Variants in GRIP1 observed in about 807,000 individuals in gnomAD.
The protein encoded by GRIP1 is glutamate receptor-interacting protein 1.
In GRIP1, 45 loss-of-function variants were observed where a neutral mutation model predicts 129.9. The observed-to-expected ratio is 0.35, with a 90% CI of 0.27 to 0.44. The LOEUF (loss-of-function observed/expected upper bound fraction) is 0.44, where lower values mean the gene tolerates loss of function less well. Among genes scored for constraint, GRIP1 ranks in the 20% least tolerant of loss-of-function variants. The pLI is 1.00. For missense variants in GRIP1, 1,196 were observed against 1,396.8 expected (o/e 0.86, Z 2.29); for synonymous variants, 530 against 520.8 (o/e 1.02, Z -0.24).
At chr12:66,949,533 A>T (rs184443893) in intron 1 of GRIP1, among the ~76,000 whole-genome samples, 34 of 152,332 alleles carry the variant, frequency 2.2e-4, no homozygotes, top group East Asian at 1.5e-3. Context: ...AAGATGAATT[A>T]AAAAAGTATC....
At chr12:66,475,605 GGACA>G (rs2059582019) in intron 7 of GRIP1, among the ~76,000 whole-genome samples, 1 of 152,094 alleles carries the variant, frequency 6.6e-6, no homozygotes, top group Non-Finnish European at 1.5e-5. Context: ...AAATGTAAAA[GGACA>G]GAAATTATAA....
intron 1 of GRIP1, among the ~76,000 whole-genome samples, chr12:67,054,295 C>T (rs1243576117): frequency 6.6e-6 from 1 of 152,166 alleles, no homozygotes; most frequent in Non-Finnish European, 1.5e-5. Flanking sequence ...ATTTACTAAG[C>T]ACCTACTATG....
intron 1 of GRIP1, among the ~76,000 whole-genome samples, chr12:66,627,341 A>G (rs563520799): frequency 2.0e-5 from 3 of 152,322 alleles, no homozygotes; most frequent in South Asian, 2.1e-4. Context: ...TCTTCATTTC[A>G]TCAGAGCTCA....
At chr12:66,658,381 G>A (rs2033294200) in intron 1 of GRIP1, among the ~76,000 whole-genome samples, 1 of 152,164 alleles carries the variant, frequency 6.6e-6, no homozygotes. Context: ...TAAAATTGTA[G>A]TCTTGTATTC....
chr12:66,539,545 CTTTTT>C (rs35373698), intron 3 of GRIP1, among the ~76,000 whole-genome samples: 4 of 59,286 alleles, frequency 6.7e-5, no homozygotes, highest in South Asian at 2.0e-3. Flanking sequence ...TCAAGAGAAG[CTTTTT>C]TTTTTTTTTT....
intron 1 of GRIP1, among the ~76,000 whole-genome samples, chr12:66,823,424 G>A (rs1423001811): frequency 6.6e-6 from 1 of 152,030 alleles, no homozygotes; most frequent in African/African-American, 2.4e-5. Flanking sequence ...ACCCAATAAT[G>A]TCTAGCAAAG....
intron 4 of GRIP1, among the ~76,000 whole-genome samples, chr12:66,533,282 T>C (rs942573723): frequency 6.6e-6 from 1 of 152,006 alleles, no homozygotes; most frequent in African/African-American, 2.4e-5. Context: ...GGGATCCTCC[T>C]GCCTCAGCCT....
intron 23 of GRIP1, among the ~76,000 whole-genome samples, chr12:66,357,272 T>C (rs955237072): frequency 1.3e-5 from 2 of 152,204 alleles, no homozygotes; most frequent in African/African-American, 4.8e-5. Context: ...TCCTCTTACC[T>C]GTGGTGGGTT....
chr12:66,404,031 T>A (rs2057100959), intron 16 of GRIP1, among the ~76,000 whole-genome samples: 1 of 152,218 alleles, frequency 6.6e-6, no homozygotes. Context: ...GCCTCTTCAC[T>A]AGGACAGAAC....
At chr12:66,798,413 C>A (rs922802512) in intron 1 of GRIP1, among the ~76,000 whole-genome samples, 1 of 152,106 alleles carries the variant, frequency 6.6e-6, no homozygotes, top group African/African-American at 2.4e-5. Context: ...ATTTTGAACA[C>A]ATATTGTATT....
At chr12:66,948,809 C>G (rs1362274649) in intron 1 of GRIP1, among the ~76,000 whole-genome samples, 2 of 152,052 alleles carry the variant, frequency 1.3e-5, no homozygotes, top group Non-Finnish European at 2.9e-5. Flanking sequence ...GCATTAGGAA[C>G]AAATTCCTAA....
chr12:66,415,587 T>C (rs1395931216), intron 15 of GRIP1, among the ~76,000 whole-genome samples: 1 of 152,168 alleles, frequency 6.6e-6, no homozygotes, highest in Non-Finnish European at 1.5e-5. Flanking sequence ...CCCAAAGGAA[T>C]GTAAATTATT....
At position 66,406,291 on chromosome 12, in the gene GRIP1, T is replaced by A; in HGVS notation, c.1976A>T (p.Asp659Val). The change falls in exon 16 of 25, where the codon GAT becomes GTT. Residue 659 changes from aspartate to valine, a missense_variant. By Grantham distance (152) the Asp-to-Val change is radical. This residue lies in a region of GRIP1 where 508 missense variants were observed against 587.0 expected (regional missense o/e 0.87). Transcript: ENST00000359742. ...AAGGATGCTCTCAATACCTGAATTA[T>A]CTTCATCTTTGCGGATTTTGAGCTT... ...LVKLKIRKDE[D>V]NSDEQESSGA... is the part of the protein sequence containing the mutation. 1 of 1,614,158 alleles carries A rather than the reference T, an allele frequency of 6.2e-7. No homozygotes were observed. Among genetic ancestry groups the A allele is most frequent in the Non-Finnish European group, 8.5e-7 (1 of 1,179,980 alleles).
At chr12:66,472,354 G>T (rs1405806511) in intron 7 of GRIP1, among the ~76,000 whole-genome samples, 1 of 152,188 alleles carries the variant, frequency 6.6e-6, no homozygotes, top group African/African-American at 2.4e-5. Context: ...AGAAGGTGGG[G>T]AGTAGTGCTG....
intron 1 of GRIP1, among the ~76,000 whole-genome samples, chr12:66,888,266 GC>G (rs2040599599): frequency 1.3e-5 from 2 of 151,764 alleles, no homozygotes; most frequent in South Asian, 4.2e-4. Flanking sequence ...TCAATATGCT[GC>G]CCCAGCTGGT....
At chr12:67,028,035 T>A (rs563340545) in intron 1 of GRIP1, among the ~76,000 whole-genome samples, 3 of 152,284 alleles carry the variant, frequency 2.0e-5, no homozygotes, top group East Asian at 3.9e-4. Context: ...TGACCCTCAA[T>A]CCACCCTCAC....
chr12:66,784,994 T>C (rs1177159360), intron 1 of GRIP1, among the ~76,000 whole-genome samples: 1 of 152,090 alleles, frequency 6.6e-6, no homozygotes, highest in East Asian at 1.9e-4. Flanking sequence ...CTACCTTCCG[T>C]GTTCTGGCTC....
At chr12:66,636,749 G>C (rs1167399029) in intron 1 of GRIP1, among the ~76,000 whole-genome samples, 8 of 138,312 alleles carry the variant, frequency 5.8e-5, no homozygotes, top group Non-Finnish European at 1.3e-4. Flanking sequence ...GTGTGTGTGT[G>C]TGTGTCTCAC....
chr12:66,682,031 A>C (rs1475934112), upstream of GRIP1, among the ~76,000 whole-genome samples: 2 of 152,190 alleles, frequency 1.3e-5, no homozygotes, highest in Non-Finnish European at 2.9e-5. Context: ...CATCAAAGTC[A>C]TTCAGCTAGT....
Sources: allele counts gnomAD v4.1 joint callset (sites outside exome capture counted in the v4.1 genomes callset), GRCh38; gene constraint gnomAD v4.1.1; regional missense constraint gnomAD v4.1.1; transcripts MANE v1.5; gene names NCBI Gene and HGNC (gene_info 2026-07-23, HGNC 2026-07-21).